Variants in NALCN observed in about 807,000 individuals in gnomAD.
The protein encoded by NALCN is sodium leak channel, non-selective, also known as sodium leak channel NALCN.
A neutral mutation model predicts 225.3 loss-of-function variants in NALCN; 111 were observed. The observed-to-expected ratio is 0.49, with a 90% CI of 0.42 to 0.58. The LOEUF (loss-of-function observed/expected upper bound fraction) is 0.58, where lower values mean the gene tolerates loss of function less well. Ranked by LOEUF, NALCN falls within the 20% of genes least tolerant of loss-of-function variation. The pLI, the probability that NALCN is intolerant of heterozygous loss-of-function variation, is 0.00. For synonymous variants in NALCN, 764 were observed against 769.0 expected (o/e 0.99, Z 0.11); for missense variants, 1,378 against 2,202.4 (o/e 0.63, Z 7.49).
At chr13:101,241,070 G>A (rs2041741155) in intron 11 of NALCN, among the ~76,000 whole-genome samples, 1 of 152,116 alleles carries the variant, frequency 6.6e-6, no homozygotes, top group Non-Finnish European at 1.5e-5. Context: ...ATAAGAATTA[G>A]CACACCTTTA....
At chr13:101,335,105 C>T (rs1056123825) in intron 7 of NALCN, among the ~76,000 whole-genome samples, 11 of 152,148 alleles carry the variant, frequency 7.2e-5, no homozygotes, top group Admixed American at 6.6e-4. Context: ...ACTTTATGCT[C>T]TCCAAAATTT....
intron 9 of NALCN, among the ~76,000 whole-genome samples, chr13:101,287,327 A>T (rs949939945): frequency 3.9e-5 from 6 of 152,232 alleles, no homozygotes; most frequent in African/African-American, 1.4e-4. Context: ...TGAGGCCAGA[A>T]CAAAGACAGC....
chr13:101,076,059 T>G, intron 34 of NALCN, 118 bp from the exon 35 acceptor site: 1 of 666,356 alleles, frequency 1.5e-6, no homozygotes, highest in South Asian at 3.6e-5. Flanking sequence ...TGTAAATTAT[T>G]ATAAGAAAGT....
At chr13:101,136,866 G>A (rs2036824892) in intron 17 of NALCN, among the ~76,000 whole-genome samples, 3 of 152,164 alleles carry the variant, frequency 2.0e-5, no homozygotes. Flanking sequence ...CTAGATCCTT[G>A]AGGAATAGCA....
At chr13:101,078,384 T>C (rs1001873647) in intron 34 of NALCN, among the ~76,000 whole-genome samples, 17 of 151,968 alleles carry the variant, frequency 1.1e-4, no homozygotes, top group African/African-American at 4.1e-4. Flanking sequence ...CAGGAGGGGG[T>C]CTGTACCCTG....
chr13:101,126,760 A>G (rs920484533), intron 17 of NALCN, among the ~76,000 whole-genome samples: 3 of 152,032 alleles, frequency 2.0e-5, no homozygotes. Context: ...CAAAGTGCTG[A>G]GATTACAGGC....
At chr13:101,404,402 G>C (rs2047560360) in intron 1 of NALCN, among the ~76,000 whole-genome samples, 2 of 152,132 alleles carry the variant, frequency 1.3e-5, no homozygotes, top group African/African-American at 4.8e-5. Context: ...ATTAACACAA[G>C]TAATACAGGT....
At chr13:101,272,326 G>A (rs989698538) in intron 10 of NALCN, among the ~76,000 whole-genome samples, 2 of 152,172 alleles carry the variant, frequency 1.3e-5, no homozygotes, top group East Asian at 1.9e-4. Flanking sequence ...GGGAAGTATC[G>A]TTTGACACCT....
At chr13:101,375,426 T>C (rs2139415529) in intron 6 of NALCN, among the ~76,000 whole-genome samples, 1 of 152,342 alleles carries the variant, frequency 6.6e-6, no homozygotes, top group African/African-American at 2.4e-5. Flanking sequence ...ACAGAGATAT[T>C]CACTTATTTG....
intron 7 of NALCN, among the ~76,000 whole-genome samples, chr13:101,294,280 G>A (rs990876106): frequency 1.3e-5 from 2 of 152,134 alleles, no homozygotes; most frequent in Non-Finnish European, 2.9e-5. Flanking sequence ...GGTGATTATA[G>A]TTAACAACAA....
chr13:101,060,969 T>C (rs1204138385), intron 41 of NALCN, among the ~76,000 whole-genome samples: 1 of 152,194 alleles, frequency 6.6e-6, no homozygotes, highest in Non-Finnish European at 1.5e-5. Context: ...TCTCCTCCAA[T>C]AGAAATACAT....
At chr13:101,106,228 G>A (rs2035091901) in intron 22 of NALCN, among the ~76,000 whole-genome samples, 1 of 151,976 alleles carries the variant, frequency 6.6e-6, no homozygotes, top group Non-Finnish European at 1.5e-5. Context: ...TTAGATTAGG[G>A]CCCACCCTAA....
At chr13:101,100,666 G>T (rs1446988651) in intron 27 of NALCN, 118 bp downstream of exon 27, 2 of 532,358 alleles carry the variant, frequency 3.8e-6, no homozygotes, top group African/African-American at 7.4e-5. Flanking sequence ...CTGCAACCTT[G>T]ACCTCCAGTT....
intron 10 of NALCN, among the ~76,000 whole-genome samples, chr13:101,261,316 A>C (rs2042418574): frequency 6.6e-6 from 1 of 152,030 alleles, no homozygotes; most frequent in Admixed American, 6.6e-5. Context: ...AGCTTTGTTC[A>C]ATTTGTTTAG....
At chr13:101,340,381 T>G (rs2045519594) in intron 7 of NALCN, among the ~76,000 whole-genome samples, 1 of 152,198 alleles carries the variant, frequency 6.6e-6, no homozygotes, top group Non-Finnish European at 1.5e-5. Flanking sequence ...TCATATCAGA[T>G]GCAGTGTGTG....
chr13:101,269,789 AG>A (rs2042716161), intron 10 of NALCN, among the ~76,000 whole-genome samples: 1 of 152,214 alleles, frequency 6.6e-6, no homozygotes, highest in Non-Finnish European at 1.5e-5. Flanking sequence ...GGCAGTCACC[AG>A]GGCTGTCCCT....
chr13:101,272,867 T>C (rs2042842385), intron 10 of NALCN, among the ~76,000 whole-genome samples: 1 of 152,186 alleles, frequency 6.6e-6, no homozygotes, highest in Non-Finnish European at 1.5e-5. Flanking sequence ...GATGTCACTT[T>C]GTCACTTGAA....
chr13:101,406,481 A>C (rs1408938279), intron 1 of NALCN, among the ~76,000 whole-genome samples: 2 of 152,252 alleles, frequency 1.3e-5, no homozygotes, highest in Non-Finnish European at 2.9e-5. Flanking sequence ...AATGGACAGG[A>C]AATGAGAAAA....
rs538303015 is a variant in NALCN at position 101,292,450 on chromosome 13, T to A, written c.800-84A>T. On this transcript the variant is annotated intron_variant, in intron 7 of 43. Coordinates refer to ENST00000251127, the MANE Select transcript of NALCN (RefSeq NM_052867.4). This position sits in a 1 kb window ranked among gnomAD's most constrained non-coding sequence, Gnocchi z 4.3. ...TTTCCAGAAAAACAATCAATATTTA[T>A]CCATACTTATTTTCTCAATGACAAA... The A allele has an allele frequency of 1.5e-5, 21 of 1,395,210 alleles. No homozygotes were observed. The African/African-American group carries it at 2.7e-4, about 18-fold the overall frequency. 86.4% of individuals were successfully genotyped at this position (1,395,210 alleles called of 1,614,324 possible).
Sources: allele counts gnomAD v4.1 joint callset (sites outside exome capture counted in the v4.1 genomes callset), GRCh38; gene constraint gnomAD v4.1.1; non-coding constraint Gnocchi (gnomAD v3.1); transcripts MANE v1.5; gene names NCBI Gene and HGNC (gene_info 2026-07-23, HGNC 2026-07-21).